PDE6A: variants seen among roughly 807,000 people sequenced by gnomAD.
PDE6A encodes phosphodiesterase 6A.
Under a neutral mutation model 106.3 loss-of-function variants are expected in PDE6A, and 84 were observed. The observed-to-expected ratio is 0.79, with a 90% CI of 0.66 to 0.95. The LOEUF is 0.95. Ranked by LOEUF, PDE6A falls within the 40% of genes least tolerant of loss-of-function variation. The pLI is 0.00. For missense variants in PDE6A, 1,052 were observed against 1,084.9 expected (o/e 0.97, Z 0.43); for synonymous variants, 394 against 386.6 (o/e 1.02, Z -0.23).
At chr5:149,910,873 C>CCTTTTT (rs1753357944) in intron 6 of PDE6A, among the ~76,000 whole-genome samples, 1 of 69,808 alleles carries the variant, frequency 1.4e-5, no homozygotes, top group African/African-American at 6.1e-5. Flanking sequence ...GTTTCTTTTT[C>CCTTTTT]CTTTTTTTTT....
At chr5:149,915,905 T>G (rs1435838605) in intron 5 of PDE6A, among the ~76,000 whole-genome samples, 1 of 152,014 alleles carries the variant, frequency 6.6e-6, no homozygotes, top group Non-Finnish European at 1.5e-5. Context: ...TACTCATCAG[T>G]CAAAACTTGC....
intron 3 of PDE6A, chr5:149,932,278 T>C (rs898776239): frequency 1.4e-6 from 2 of 1,438,894 alleles, no homozygotes; most frequent in Non-Finnish European, 2.0e-6. Context: ...GTTTCACTCG[T>C]AGACCGCTCT....
intron 4 of PDE6A, among the ~76,000 whole-genome samples, chr5:149,924,543 A>G (rs763632631): frequency 1.3e-5 from 2 of 152,126 alleles, no homozygotes; most frequent in Non-Finnish European, 2.9e-5. Flanking sequence ...GTATATTTAT[A>G]CTACTCAAAT....
chr5:149,870,958 G>GAAAAGA, intron 17 of PDE6A, among the ~76,000 whole-genome samples: 1 of 151,534 alleles, frequency 6.6e-6, no homozygotes, highest in East Asian at 1.9e-4. Flanking sequence ...GAAAAGAAAA[G>GAAAAGA]AAAAGAAAAA....
intron 5 of PDE6A, 89 bp downstream of exon 5, chr5:149,921,546 A>T: frequency 1.0e-6 from 1 of 980,182 alleles, no homozygotes; most frequent in Non-Finnish European, 1.6e-6. Context: ...ACAAATACCT[A>T]TATGCTAATA....
intron 4 of PDE6A, among the ~76,000 whole-genome samples, chr5:149,925,517 GCCAATATGACGAAACC>G (rs1428169602): frequency 6.6e-6 from 1 of 152,050 alleles, no homozygotes; most frequent in Non-Finnish European, 1.5e-5. Context: ...GACCAGCCTG[GCCAATATGACGAAACC>G]CCATCTGTGC....
At chr5:149,934,526 G>T in intron 2 of PDE6A, 40 bp downstream of exon 2, 1 of 1,606,668 alleles carries the variant, frequency 6.2e-7, no homozygotes, top group Non-Finnish European at 8.5e-7. Context: ...CTGGGAGAAT[G>T]TGCTAGCATG....
Position 149,921,530 on chromosome 5 carries a change from G to A in PDE6A, c.933+105C>T, listed in dbSNP as rs866748426. The stretch of plus-strand genomic sequence containing the variant: ...CTAACTTCAAAGGAGACAACCCAAC[G>A]CAAAGACAAATACCTATATGCTAAT... On this transcript the variant is annotated intron_variant, in intron 5 of 21. Transcript: ENST00000255266. 28 of 838,706 alleles carry A rather than the reference G, an allele frequency of 3.3e-5. No individual in the cohort carries two copies. In the Middle Eastern group the frequency reaches 8.8e-4, roughly 26 times the overall value. The allele number at this position is 838,706 out of a possible 1,614,324, so 52.0% of individuals were successfully genotyped here. A position where few individuals can be genotyped will look rare whatever the true frequency, so the allele number is the denominator to read the frequency against.
At chr5:149,873,566 A>G (rs540826931) in intron 17 of PDE6A, among the ~76,000 whole-genome samples, 151 of 152,312 alleles carry the variant, frequency 9.9e-4, no homozygotes, top group African/African-American at 3.5e-3. Flanking sequence ...TCCTGGCCTC[A>G]AGTGATCCGC....
rs781616522 is a variant in PDE6A at position 149,898,362 on chromosome 5, C to T, written c.1407+1G>A. 3.1e-6 allele frequency: 5 copies of T among 1,613,254 alleles called. No individual in the cohort carries two copies. The South Asian group carries it at 3.3e-5, about 11-fold the overall frequency. ...AGAAACAAGTAAAGAACATTACACA[C>T]CAAGATTTTCTGAATTTCTTCATTG... On this transcript the variant is annotated splice_donor_variant, in intron 10 of 21. Transcript: ENST00000255266. LOFTEE classifies it high-confidence loss of function.
chr5:149,912,810 G>T (rs1309446931), intron 6 of PDE6A, among the ~76,000 whole-genome samples: 1 of 152,146 alleles, frequency 6.6e-6, no homozygotes, highest in African/African-American at 2.4e-5. Context: ...ATTTGTGTCA[G>T]AAACAGGGTG....
At chr5:149,876,147 ATTAAG>A (rs1760730685) in intron 17 of PDE6A, among the ~76,000 whole-genome samples, 1 of 152,240 alleles carries the variant, frequency 6.6e-6, no homozygotes, top group Admixed American at 6.5e-5. Flanking sequence ...TTTCTTTTGG[ATTAAG>A]TTATTATTAC....
intron 21 of PDE6A, among the ~76,000 whole-genome samples, chr5:149,861,793 A>G (rs1760154782): frequency 6.6e-6 from 1 of 152,224 alleles, no homozygotes. Flanking sequence ...GGAGAAAAAA[A>G]TGTAAGCCAA....
At chr5:149,900,401 G>GATATATATATATATATATATA (rs1752932187) in intron 8 of PDE6A, among the ~76,000 whole-genome samples, 7 of 116,978 alleles carry the variant, frequency 6.0e-5, no homozygotes, top group Admixed American at 2.2e-4. Context: ...ATATATATCC[G>GATATATATATATATATATATA]TTGGTTCATC....
At chr5:149,935,696 T>C (rs966284316) in intron 1 of PDE6A, among the ~76,000 whole-genome samples, 1 of 152,222 alleles carries the variant, frequency 6.6e-6, no homozygotes, top group Non-Finnish European at 1.5e-5. Context: ...GCTTGAATTG[T>C]TCTCTTAAAT....
chr5:149,921,573 G>C, intron 5 of PDE6A, 62 bp downstream of exon 5: 2 of 1,341,830 alleles, frequency 1.5e-6, no homozygotes, highest in South Asian at 2.4e-5. Context: ...CCTTTAACAG[G>C]GTTTACTGTG....
At chr5:149,889,906 CAAA>C (rs577626508) in intron 13 of PDE6A, among the ~76,000 whole-genome samples, 1 of 81,660 alleles carries the variant, frequency 1.2e-5, no homozygotes, top group African/African-American at 4.4e-5. Context: ...GACTCTGTCT[CAAA>C]AAAAAAAAAA....
At chr5:149,930,991 C>A (rs200602454) in intron 4 of PDE6A, 37 bp downstream of exon 4, 58 of 1,609,886 alleles carry the variant, frequency 3.6e-5, no homozygotes, top group African/African-American at 5.3e-5. Context: ...TCTGTTTAAT[C>A]TTTTCTTGGA....
rs199738915 is a variant in PDE6A at position 149,944,375 on chromosome 5, C to A, written c.299G>T (p.Arg100Leu). Residue 100 changes from arginine to leucine, a missense_variant, in exon 1 of 22, where the codon CGG becomes CTG. Physicochemically the swap from Arg to Leu is moderately radical, Grantham distance 102 (BLOSUM62 -2). Transcript: ENST00000255266. ...CAGCTCTGCGATGCCATTGCGGGTC[C>A]GGTACATGAACAGGCTCATGCGGTC... is the stretch of plus-strand genomic sequence containing the variant. ...QADRMSLFMY[R>L]TRNGIAELAT... The A allele has an allele frequency of 8.7e-6, 14 of 1,614,052 alleles. No homozygotes were observed. Among genetic ancestry groups the A allele is most frequent in the Non-Finnish European group, 1.2e-5 (14 of 1,180,006 alleles).
Sources: gnomAD v4.1 joint callset for allele counts (sites outside exome capture counted in the v4.1 genomes callset) on GRCh38, gnomAD v4.1.1 for gene constraint, MANE v1.5 for transcripts, NCBI Gene and HGNC (gene_info 2026-07-23, HGNC 2026-07-21) for gene names.